Variants in USP30 observed in about 807,000 individuals in gnomAD.
The protein encoded by USP30 is ubiquitin carboxyl-terminal hydrolase 30.
A neutral mutation model predicts 68.2 loss-of-function variants in USP30; 41 were observed. The observed-to-expected ratio is 0.60, with a 90% CI of 0.47 to 0.78. USP30 has a LOEUF of 0.78. USP30 is among the 30% of genes least tolerant of loss of function. USP30 has a pLI of 0.00. For synonymous variants in USP30, 229 were observed against 253.7 expected, an observed-to-expected ratio of 0.90 and a Z score of 0.93; for missense variants, 522 against 649.4, an observed-to-expected ratio of 0.80 and a Z score of 2.13.
rs1035141386 is a variant in USP30 at position 109,070,638 on chromosome 12, G to A, written c.481-974G>A. Among the ~76,000 whole-genome samples the A allele has an allele frequency of 7.2e-5, 11 of 152,146 alleles. No individual in the cohort carries two copies. The highest frequency in any genetic ancestry group is 2.4e-4 in the African/African-American group (10 of 41,422). On this transcript the variant is annotated intron_variant, in intron 4 of 12. Coordinates refer to ENST00000257548, the MANE Select transcript of USP30 (RefSeq NM_032663.5). This position sits in a 1 kb window ranked among gnomAD's most constrained non-coding sequence, Gnocchi z 4.0. ...TATTGCTCTGGTGGCAGTGTGAGGGGACACCAAAGGAGAAGCAGAGGGCCT... is the reference window on the plus strand; with the variant it reads ...TATTGCTCTGGTGGCAGTGTGAGGGAACACCAAAGGAGAAGCAGAGGGCCT...
intron 2 of USP30, among the ~76,000 whole-genome samples, chr12:109,025,272 T>C (rs1323341283): frequency 6.6e-6 from 1 of 152,154 alleles, no homozygotes; most frequent in Non-Finnish European, 1.5e-5. Flanking sequence ...CTAATTATGT[T>C]GGCCAATTCC....
chr12:109,078,340 C>A (rs573370324), intron 7 of USP30, among the ~76,000 whole-genome samples: 14 of 152,084 alleles, frequency 9.2e-5, no homozygotes, highest in African/African-American at 2.7e-4. Context: ...AGGAGAATGG[C>A]TTGAACCCAG....
intron 7 of USP30, among the ~76,000 whole-genome samples, chr12:109,075,342 C>T (rs2041564632): frequency 6.6e-6 from 1 of 152,132 alleles, no homozygotes; most frequent in Non-Finnish European, 1.5e-5. Context: ...CTCGGCAACA[C>T]TTGTTACGTG....
At chr12:109,083,264 G>A (rs1344404891) in intron 11 of USP30, among the ~76,000 whole-genome samples, 3 of 152,178 alleles carry the variant, frequency 2.0e-5, no homozygotes, top group East Asian at 3.9e-4. Context: ...GAGATGTATC[G>A]TTTTTGAAAC....
rs1387638924 is a variant in USP30, at chr12:109,052,771, TG to T, written c.83+16del. On this transcript the variant is annotated intron_variant, in intron 1 of 12. Transcript: ENST00000257548. ...CCGGGGCGGCCGTCAGGTGAGATTTTGGGGGGCGGGGCTGCCGAAGAGGCCG... is the reference window on the plus strand; with the variant it reads ...CCGGGGCGGCCGTCAGGTGAGATTTTGGGGGCGGGGCTGCCGAAGAGGCCG... The T allele has an allele frequency of 6.6e-5, 95 of 1,443,558 alleles. No homozygotes were observed. Among genetic ancestry groups the T allele is most frequent in the Non-Finnish European group, 8.0e-5 (88 of 1,098,130 alleles). The allele number at this position is 1,443,558 out of a possible 1,614,324, so 89.4% of individuals were successfully genotyped here.
intron 2 of USP30, 27 bp from the exon 3 acceptor site, chr12:109,057,899 C>T: frequency 6.2e-7 from 1 of 1,604,526 alleles, no homozygotes. Flanking sequence ...ATATACTGTT[C>T]TCTTCTTCCC....
intron 3 of USP30, among the ~76,000 whole-genome samples, chr12:109,030,931 A>C (rs1023749586): frequency 6.6e-6 from 1 of 152,168 alleles, no homozygotes; most frequent in African/African-American, 2.4e-5. Context: ...ATTCTTTTAC[A>C]ATGTACACAT....
At chr12:109,041,294 A>G (rs893506002) in intron 3 of USP30, among the ~76,000 whole-genome samples, 1 of 152,192 alleles carries the variant, frequency 6.6e-6, no homozygotes, top group African/African-American at 2.4e-5. Context: ...AACATGCACA[A>G]TTAATCACAT....
intron 1 of USP30, among the ~76,000 whole-genome samples, chr12:109,024,421 C>G (rs2040429234): frequency 6.6e-6 from 1 of 151,822 alleles, no homozygotes; most frequent in Non-Finnish European, 1.5e-5. Context: ...CCATGCCAGG[C>G]TAATTTTTGT....
At chr12:109,067,107 A>ATTTT (rs754748366) in intron 3 of USP30, among the ~76,000 whole-genome samples, 33 of 104,578 alleles carry the variant, frequency 3.2e-4, no homozygotes, top group African/African-American at 7.5e-4. Context: ...ACAGTCCTTA[A>ATTTT]TTTTTTTTTT....
At chr12:109,077,829 G>C (rs1566102248) in intron 7 of USP30, among the ~76,000 whole-genome samples, 3 of 151,896 alleles carry the variant, frequency 2.0e-5, no homozygotes, top group Non-Finnish European at 4.4e-5. Context: ...TTGTGTTGGG[G>C]GGGGAGGGTG....
At chr12:109,052,885 C>A in intron 1 of USP30, 124 bp downstream of exon 1, 1 of 1,050,200 alleles carries the variant, frequency 9.5e-7, no homozygotes, top group Non-Finnish European at 1.3e-6. Context: ...CTGGAAGGTT[C>A]TGCGTCCTTT....
upstream of USP30, among the ~76,000 whole-genome samples, chr12:109,051,249 C>CTTTTTTT (rs138942249): frequency 1.0e-3 from 64 of 63,586 alleles, no homozygotes; most frequent in Non-Finnish European, 1.3e-3. Flanking sequence ...TTACCTCTTG[C>CTTTTTTT]TTTTTTTTTT....
chr12:109,033,463 C>T (rs1235590714), intron 3 of USP30, among the ~76,000 whole-genome samples: 4 of 152,168 alleles, frequency 2.6e-5, no homozygotes, highest in African/African-American at 9.7e-5. Flanking sequence ...TTTCAGGTTA[C>T]AGCAGGCAGT....
chr12:109,056,702 G>A lies in USP30; in HGVS notation c.104G>A (p.Trp35Ter). Residue 35 changes from tryptophan to a stop codon, truncating the protein, a stop_gained, in exon 2 of 13, where the codon TGG becomes TAG. Transcript: ENST00000257548. LOFTEE classifies it high-confidence loss of function. ...AAVRYKVMKN[W>*]GVIGGIAAAL... ...TTTAGATATAAAGTCATGAAGAACT[G>A]GGGAGTTATAGGTGGAATTGCTGCT... 6.2e-7 allele frequency: 1 copy of A among 1,610,544 alleles called. No homozygotes were observed. The highest frequency in any genetic ancestry group is 8.5e-7 in the Non-Finnish European group (1 of 1,178,884).
At chr12:109,040,683 G>C (rs188415207) in intron 3 of USP30, among the ~76,000 whole-genome samples, 2 of 152,202 alleles carry the variant, frequency 1.3e-5, no homozygotes, top group Non-Finnish European at 2.9e-5. Flanking sequence ...GTTGGTAATG[G>C]CTGTTGGCAG....
chr12:109,033,484 A>G (rs2135662020), intron 3 of USP30, among the ~76,000 whole-genome samples: 1 of 152,320 alleles, frequency 6.6e-6, no homozygotes, highest in South Asian at 2.1e-4. Flanking sequence ...TTGAGCAGCC[A>G]GGCTTGCAGA....
In USP30 at chr12:109,046,092, CTTTTTTTT is replaced by C. The variant is rs34629352; in HGVS notation, c.-135-1477_-135-1470del. 4.4e-3 allele frequency among the ~76,000 whole-genome samples: 208 copies of C among 46,764 alleles called. 1 individual carries two copies. Among genetic ancestry groups the C allele is most frequent in the African/African-American group, 0.012 (188 of 16,322 alleles). 30.7% of individuals were successfully genotyped at this position (46,764 alleles called of 152,430 possible). A position where few individuals can be genotyped will look rare whatever the true frequency, so the allele number is the denominator to read the frequency against. On this transcript the variant is annotated intron_variant, in intron 3 of 15. Transcript: ENST00000392784. ...TCCCTCTTGCTTGGGGGAAGTCAGT[CTTTTTTTT>C]TTTTTTTTTTTTTTTTTTTTAGATG...
chr12:109,055,693 G>C, intron 1 of USP30, among the ~76,000 whole-genome samples: 1 of 149,952 alleles, frequency 6.7e-6, no homozygotes. Flanking sequence ...CATCACACCT[G>C]GCCTCAATAA....
Sources: gnomAD v4.1 joint callset for allele counts (sites outside exome capture counted in the v4.1 genomes callset) on GRCh38, gnomAD v4.1.1 for gene constraint, Gnocchi (gnomAD v3.1) non-coding constraint, MANE v1.5 for transcripts, NCBI Gene and HGNC (gene_info 2026-07-23, HGNC 2026-07-21) for gene names.